Variants in PPARGC1A observed in about 807,000 individuals in gnomAD.
PPARGC1A encodes PPARG coactivator 1 alpha, also known as peroxisome proliferator-activated receptor gamma coactivator 1-alpha.
A neutral mutation model predicts 88.7 loss-of-function variants in PPARGC1A; 25 were observed. That is an observed-to-expected ratio of 0.28 (90% CI 0.21 to 0.39). The LOEUF (loss-of-function observed/expected upper bound fraction) is 0.39. Ranked by LOEUF, PPARGC1A falls within the 10% of genes least tolerant of loss-of-function variation. The pLI is 1.00. For missense variants in PPARGC1A, 880 were observed against 968.7 expected (o/e 0.91, Z 1.22); for synonymous variants, 363 against 355.6 (o/e 1.02, Z -0.24).
At chr4:24,226,377 C>T in the PPARGC1A span, among the ~76,000 whole-genome samples, 1 of 152,144 alleles carries the variant, frequency 6.6e-6, no homozygotes. Flanking sequence ...TTCTTCTGCA[C>T]TCCTGACTTA....
chr4:24,421,305 A>C, the PPARGC1A span, among the ~76,000 whole-genome samples: 80 of 144,504 alleles, frequency 5.5e-4, no homozygotes, highest in African/African-American at 2.0e-3. Context: ...AGTTTAATGA[A>C]CAGTTCACTT....
chr4:23,943,441 A>G, the PPARGC1A span, among the ~76,000 whole-genome samples: 1 of 133,034 alleles, frequency 7.5e-6, no homozygotes, highest in Non-Finnish European at 1.6e-5. Context: ...AGAAGGGTTT[A>G]TTTTAAAGGA....
At chr4:24,286,585 G>A in the PPARGC1A span, among the ~76,000 whole-genome samples, 5 of 152,142 alleles carry the variant, frequency 3.3e-5, no homozygotes, top group East Asian at 1.9e-4. Context: ...ACCAGCCAAC[G>A]CACAGAAGAT....
At chr4:24,034,596 G>C in the PPARGC1A span, among the ~76,000 whole-genome samples, 5 of 152,154 alleles carry the variant, frequency 3.3e-5, no homozygotes, top group African/African-American at 1.2e-4. Flanking sequence ...GAAGTAGATT[G>C]TGGTATTGAA....
the PPARGC1A span, among the ~76,000 whole-genome samples, chr4:23,920,624 A>G: frequency 6.6e-6 from 1 of 152,208 alleles, no homozygotes; most frequent in Non-Finnish European, 1.5e-5. Flanking sequence ...CTGAAATTCT[A>G]AAGTTGACTA....
At chr4:24,190,902 T>C in the PPARGC1A span, among the ~76,000 whole-genome samples, 3 of 151,924 alleles carry the variant, frequency 2.0e-5, no homozygotes, top group Non-Finnish European at 1.5e-5. Flanking sequence ...TTGTCCTTCA[T>C]TGGAAAGAGG....
chr4:24,249,338 A>C, the PPARGC1A span, among the ~76,000 whole-genome samples: 7 of 152,278 alleles, frequency 4.6e-5, no homozygotes, highest in East Asian at 1.4e-3. Context: ...AAAACAATCT[A>C]AAACCAGAAG....
At chr4:24,235,276 T>G in the PPARGC1A span, among the ~76,000 whole-genome samples, 1 of 152,196 alleles carries the variant, frequency 6.6e-6, no homozygotes, top group Non-Finnish European at 1.5e-5. Context: ...CTTGGGCCCT[T>G]AATATAGTTT....
chr4:24,206,241 G>C, the PPARGC1A span, among the ~76,000 whole-genome samples: 5 of 152,290 alleles, frequency 3.3e-5, no homozygotes, highest in South Asian at 1.0e-3. Context: ...GGCAAATGAT[G>C]AAAGTATGAG....
At chr4:24,099,862 C>T in the PPARGC1A span, among the ~76,000 whole-genome samples, 1 of 150,814 alleles carries the variant, frequency 6.6e-6, no homozygotes, top group Admixed American at 6.7e-5. Flanking sequence ...TGAGCTAAGG[C>T]TGCGTTACTC....
chr4:24,208,499 G>A, the PPARGC1A span, among the ~76,000 whole-genome samples: 1 of 151,942 alleles, frequency 6.6e-6, no homozygotes, highest in Non-Finnish European at 1.5e-5. Flanking sequence ...AAAACAGACA[G>A]TGATCTCACA....
the PPARGC1A span, among the ~76,000 whole-genome samples, chr4:24,456,941 G>A: frequency 1.3e-5 from 2 of 152,120 alleles, no homozygotes; most frequent in East Asian, 3.9e-4. Context: ...TCCTGCACAC[G>A]CAGATGCTGA....
intron 2 of PPARGC1A, among the ~76,000 whole-genome samples, chr4:23,839,425 G>A (rs1262470544): frequency 1.3e-5 from 2 of 152,078 alleles, no homozygotes. Flanking sequence ...GACTTAATAG[G>A]CCTGAAAAGA....
chr4:24,289,245 AG>A, the PPARGC1A span, among the ~76,000 whole-genome samples: 1 of 142,516 alleles, frequency 7.0e-6, no homozygotes, highest in African/African-American at 2.6e-5. Context: ...AAAAAAAAAG[AG>A]AGAGAGAGAG....
chr4:23,847,020 AC>A (rs1728442141), intron 2 of PPARGC1A, among the ~76,000 whole-genome samples: 1 of 151,964 alleles, frequency 6.6e-6, no homozygotes, highest in African/African-American at 2.4e-5. Context: ...AAATTTAATC[AC>A]ATATGCATTT....
chr4:24,458,872 C>A, the PPARGC1A span, among the ~76,000 whole-genome samples: 1 of 152,030 alleles, frequency 6.6e-6, no homozygotes. Flanking sequence ...TAAGGTTACA[C>A]AAATATTTAC....
Position 23,826,778 on chromosome 4 carries a change from A to G in PPARGC1A, c.757+1622T>C, listed in dbSNP as rs562296512. ...TTGTACCTTGCCACAGATATATACC[A>G]AATACAGCCAGTCTCATCTAAAGAA... On this transcript the variant is annotated intron_variant, in intron 5 of 12. Transcript: ENST00000264867. 3.9e-5 allele frequency among the ~76,000 whole-genome samples: 6 copies of G among 152,286 alleles called. No homozygotes were observed. In the South Asian group the frequency reaches 1.0e-3, roughly 26 times the overall value.
the PPARGC1A span, among the ~76,000 whole-genome samples, chr4:24,255,286 G>T: frequency 6.6e-6 from 1 of 152,142 alleles, no homozygotes; most frequent in African/African-American, 2.4e-5. Flanking sequence ...AATAGGTAAT[G>T]CTGTGATACT....
intron 4 of PPARGC1A, 126 bp from the exon 5 acceptor site, chr4:23,828,730 C>T: frequency 1.3e-6 from 1 of 749,770 alleles, no homozygotes; most frequent in Non-Finnish European, 2.2e-6. Flanking sequence ...GATCTATGAG[C>T]TGTGAATAAC....
Sources: gnomAD v4.1 joint callset for allele counts (sites outside exome capture counted in the v4.1 genomes callset) on GRCh38, gnomAD v4.1.1 for gene constraint, MANE v1.5 for transcripts, NCBI Gene and HGNC (gene_info 2026-07-23, HGNC 2026-07-21) for gene names.